Variants in AFG2A observed in about 807,000 individuals in gnomAD.
AFG2A encodes the protein ATPase family gene 2 protein homolog A.
At chr4:123,171,247 A>G in the AFG2A span, among the ~76,000 whole-genome samples, 5 of 152,190 alleles carry the variant, frequency 3.3e-5, no homozygotes, top group East Asian at 9.6e-4. Flanking sequence ...ACCCTGGCAC[A>G]TAGTAAGTCT....
At chr4:123,249,820 A>C in the AFG2A span, among the ~76,000 whole-genome samples, 37 of 152,150 alleles carry the variant, frequency 2.4e-4, no homozygotes, top group Non-Finnish European at 4.6e-4. Flanking sequence ...AGAGAGATTT[A>C]AGTAGTGTTA....
chr4:123,003,747 T>G, the AFG2A span, among the ~76,000 whole-genome samples: 2,077 of 152,084 alleles, frequency 0.014, 47 homozygotes, highest in African/African-American at 0.047. Flanking sequence ...GGGTGCTCGG[T>G]GGTCAGGGGT....
chr4:123,069,318 A>G, the AFG2A span, among the ~76,000 whole-genome samples: 9 of 152,190 alleles, frequency 5.9e-5, no homozygotes, highest in African/African-American at 2.2e-4. Flanking sequence ...GGGTAATTTA[A>G]CAGTCTTTTT....
the AFG2A span, among the ~76,000 whole-genome samples, chr4:122,946,541 T>G: frequency 6.6e-6 from 1 of 152,212 alleles, no homozygotes; most frequent in Admixed American, 6.5e-5. Context: ...TAACATAAAT[T>G]GCATTCCAGT....
chr4:122,934,463 G>T, the AFG2A span: 1 of 1,614,228 alleles, frequency 6.2e-7, no homozygotes, highest in Non-Finnish European at 8.5e-7. Context: ...GGTCTTAAAT[G>T]TAATTTTGAA....
the AFG2A span, among the ~76,000 whole-genome samples, chr4:123,218,426 C>G: frequency 2.2e-3 from 334 of 152,180 alleles, 2 homozygotes; most frequent in Middle Eastern, 0.014. Flanking sequence ...TTAAATCTCT[C>G]TAAGAGGTTT....
At chr4:122,943,043 C>T in the AFG2A span, among the ~76,000 whole-genome samples, 4 of 152,060 alleles carry the variant, frequency 2.6e-5, no homozygotes, top group Admixed American at 6.5e-5. Flanking sequence ...CTGAGGAGAG[C>T]TTTACTTCCA....
At chr4:122,994,091 C>T in the AFG2A span, among the ~76,000 whole-genome samples, 1 of 152,012 alleles carries the variant, frequency 6.6e-6, no homozygotes, top group Non-Finnish European at 1.5e-5. Context: ...AAATGAATTT[C>T]TCATCTTTCT....
chr4:122,998,385 T>A, the AFG2A span, among the ~76,000 whole-genome samples: 97 of 152,236 alleles, frequency 6.4e-4, 1 homozygote, highest in African/African-American at 2.2e-3. Flanking sequence ...TATGTATACA[T>A]GTGCCATGCT....
chr4:123,049,267 A>AT, the AFG2A span, among the ~76,000 whole-genome samples: 1 of 151,966 alleles, frequency 6.6e-6, no homozygotes, highest in African/African-American at 2.4e-5. Context: ...GTTTGCTAGT[A>AT]TTTTTTGAAG....
the AFG2A span, among the ~76,000 whole-genome samples, chr4:123,005,527 T>C: frequency 6.6e-6 from 1 of 152,342 alleles, no homozygotes; most frequent in Admixed American, 6.5e-5. Flanking sequence ...TCCTTCTGTT[T>C]GCTTTATGCT....
chr4:123,256,241 G>T, the AFG2A span: 75 of 1,575,646 alleles, frequency 4.8e-5, no homozygotes, highest in Non-Finnish European at 6.3e-5. Context: ...GGGTCATTAA[G>T]CAAAATAAAT....
chr4:122,937,620 T>C, the AFG2A span, among the ~76,000 whole-genome samples: 545 of 152,350 alleles, frequency 3.6e-3, 4 homozygotes, highest in African/African-American at 0.012. Flanking sequence ...TATTGTTTAG[T>C]ATGCTTTTGT....
the AFG2A span, among the ~76,000 whole-genome samples, chr4:122,955,310 C>T: frequency 2.0e-5 from 3 of 152,140 alleles, no homozygotes; most frequent in Non-Finnish European, 4.4e-5. Flanking sequence ...ATTTGCCATA[C>T]ACCCACTCCC....
At chr4:123,113,812 A>G in the AFG2A span, among the ~76,000 whole-genome samples, 2 of 152,196 alleles carry the variant, frequency 1.3e-5, no homozygotes, top group African/African-American at 2.4e-5. Context: ...GAGCAAGACA[A>G]AGAGGAGCTT....
the AFG2A span, chr4:123,317,088 GGTGGT>G: frequency 6.6e-6 from 1 of 152,134 alleles, no homozygotes; most frequent in African/African-American, 2.4e-5. Context: ...AGCCGGGAAT[GGTGGT>G]GGGCGCCTGT....
the AFG2A span, among the ~76,000 whole-genome samples, chr4:123,217,480 CTT>C: frequency 2.0e-5 from 3 of 152,300 alleles, no homozygotes; most frequent in South Asian, 4.1e-4. Flanking sequence ...GGGAATGTCT[CTT>C]TTGATTCATT....
At chr4:123,192,229 G>T in the AFG2A span, among the ~76,000 whole-genome samples, 1 of 152,090 alleles carries the variant, frequency 6.6e-6, no homozygotes, top group Non-Finnish European at 1.5e-5. Flanking sequence ...GTTTCACCAT[G>T]TTGGCCAGGC....
chr4:123,015,815 C>T, the AFG2A span, among the ~76,000 whole-genome samples: 8 of 50,984 alleles, frequency 1.6e-4, no homozygotes, highest in African/African-American at 1.9e-4. Context: ...GGGGGGCTGA[C>T]CCCCCCACCT....
Sources: allele counts gnomAD v4.1 joint callset (sites outside exome capture counted in the v4.1 genomes callset), GRCh38; gene constraint gnomAD v4.1.1; transcripts MANE v1.5; gene names NCBI Gene and HGNC (gene_info 2026-07-23, HGNC 2026-07-21).